TENM3: variants seen among roughly 807,000 people sequenced by gnomAD.
TENM3 encodes teneurin transmembrane protein 3.
A neutral mutation model predicts 255.1 loss-of-function variants in TENM3; 63 were observed. That is an observed-to-expected ratio of 0.25 (90% CI 0.20 to 0.30). TENM3 has a LOEUF of 0.30. Ranked by LOEUF, TENM3 falls within the 10% of genes least tolerant of loss-of-function variation. The pLI is 1.00. For synonymous variants in TENM3, 1,306 were observed against 1,322.3 expected (o/e 0.99, Z 0.27); for missense variants, 2,929 against 3,461.1 (o/e 0.85, Z 3.86).
In TENM3 at chr4:182,688,209, G is replaced by C; in HGVS notation, c.2079G>C (p.Gly693=). The C allele has an allele frequency of 6.2e-7, 1 of 1,613,858 alleles. No homozygotes were observed. The highest frequency in any genetic ancestry group is 8.5e-7 in the Non-Finnish European group (1 of 1,179,818). The change falls in exon 12 of 28, where the codon GGG becomes GGC. Residue 693 remains glycine, a synonymous_variant. Coordinates refer to ENST00000511685, the MANE Select transcript of TENM3 (RefSeq NM_001080477.4). ...GTGGCTCACACGGCGTTTGCATGGG[G>C]GGGACGTGTCGCTGTGAAGAAGGCT... ...VDCGSHGVCM[G]GTCRCEEGWT... is the part of the protein sequence containing the mutation.
At chr4:182,263,904 A>G (rs1434510695) in intron 1 of TENM3, among the ~76,000 whole-genome samples, 3 of 152,040 alleles carry the variant, frequency 2.0e-5, no homozygotes, top group African/African-American at 7.2e-5. Context: ...TCTGTGTTTT[A>G]TCACTTGTAT....
chr4:182,358,212 G>T (rs1023934668), intron 3 of TENM3, among the ~76,000 whole-genome samples: 53 of 148,352 alleles, frequency 3.6e-4, no homozygotes, highest in African/African-American at 1.2e-3. Flanking sequence ...CTCTTTTTTG[G>T]TTCCATATGA....
the TENM3 span, among the ~76,000 whole-genome samples, chr4:181,937,115 G>A: frequency 6.6e-6 from 1 of 152,170 alleles, no homozygotes; most frequent in Non-Finnish European, 1.5e-5. Context: ...AGCAGGTATG[G>A]GAGCATTCTA....
chr4:181,935,730 C>A, the TENM3 span, among the ~76,000 whole-genome samples: 3 of 152,266 alleles, frequency 2.0e-5, no homozygotes, highest in East Asian at 5.8e-4. Context: ...GCAAAACTCT[C>A]GAATCCCAGC....
chr4:181,921,738 A>C, the TENM3 span, among the ~76,000 whole-genome samples: 87,009 of 151,472 alleles, frequency 0.57, 25,556 homozygotes, highest in African/African-American at 0.67. Context: ...CCTTCTCCTG[A>C]CTAATTGCCC....
At chr4:181,551,564 C>A in the TENM3 span, among the ~76,000 whole-genome samples, 2 of 152,194 alleles carry the variant, frequency 1.3e-5, no homozygotes, top group African/African-American at 4.8e-5. Flanking sequence ...AATATCAGAA[C>A]ATTTTTATTT....
the TENM3 span, among the ~76,000 whole-genome samples, chr4:182,004,065 TGTTAA>T: frequency 7.2e-5 from 11 of 152,176 alleles, no homozygotes; most frequent in Non-Finnish European, 1.2e-4. Context: ...AGTTGGCTTA[TGTTAA>T]AAGTATTTTT....
the TENM3 span, among the ~76,000 whole-genome samples, chr4:181,908,974 C>T: frequency 6.6e-6 from 1 of 152,180 alleles, no homozygotes; most frequent in Non-Finnish European, 1.5e-5. Flanking sequence ...AATATTTGAA[C>T]ATAACATTTA....
chr4:182,479,293 G>T (rs1363593231), intron 3 of TENM3, among the ~76,000 whole-genome samples: 1 of 151,866 alleles, frequency 6.6e-6, no homozygotes, highest in South Asian at 2.1e-4. Flanking sequence ...GTTCTGTGAT[G>T]AAATACCAAA....
At chr4:181,474,249 G>A in the TENM3 span, among the ~76,000 whole-genome samples, 1 of 152,084 alleles carries the variant, frequency 6.6e-6, no homozygotes, top group South Asian at 2.1e-4. Context: ...AACCACCATG[G>A]CATGTGTATA....
At chr4:182,413,478 G>T (rs911233617) in intron 3 of TENM3, among the ~76,000 whole-genome samples, 1 of 152,020 alleles carries the variant, frequency 6.6e-6, no homozygotes, top group Non-Finnish European at 1.5e-5. Context: ...TTAGCTGGAC[G>T]TGGTGTGTGG....
intron 3 of TENM3, among the ~76,000 whole-genome samples, chr4:182,352,689 C>T (rs1765263940): frequency 6.6e-6 from 1 of 152,090 alleles, no homozygotes; most frequent in Admixed American, 6.5e-5. Context: ...GAACCAATTT[C>T]ACTTGTCCTT....
chr4:182,673,292 G>A, intron 7 of TENM3, 73 bp downstream of exon 7: 1 of 1,079,038 alleles, frequency 9.3e-7, no homozygotes, highest in South Asian at 1.6e-5. Flanking sequence ...TCTTTCTTAA[G>A]CTCAGCTGTT....
At chr4:182,752,970 G>A (rs968447509) in intron 20 of TENM3, among the ~76,000 whole-genome samples, 10 of 126,456 alleles carry the variant, frequency 7.9e-5, no homozygotes, top group South Asian at 2.6e-4. Flanking sequence ...TTTTTGAGAC[G>A]GAGTCTCACT....
At chr4:181,919,405 G>GTGTGTGTGTGTGT in the TENM3 span, among the ~76,000 whole-genome samples, 2 of 150,802 alleles carry the variant, frequency 1.3e-5, no homozygotes, top group African/African-American at 2.4e-5. Flanking sequence ...GTGTGTGTCT[G>GTGTGTGTGTGTGT]GTGTATTGGG....
At chr4:182,193,897 A>G (rs1753682472) in intron 1 of TENM3, among the ~76,000 whole-genome samples, 1 of 152,248 alleles carries the variant, frequency 6.6e-6, no homozygotes, top group Non-Finnish European at 1.5e-5. Flanking sequence ...TCATAAATAG[A>G]AATGTATTTC....
intron 2 of TENM3, among the ~76,000 whole-genome samples, chr4:182,330,621 AG>A (rs2150548563): frequency 6.6e-6 from 1 of 152,382 alleles, no homozygotes; most frequent in South Asian, 2.1e-4. Context: ...AGTAAATGAA[AG>A]ATACTTAGGT....
the TENM3 span, among the ~76,000 whole-genome samples, chr4:181,982,668 A>T: frequency 6.6e-6 from 1 of 152,154 alleles, no homozygotes; most frequent in Non-Finnish European, 1.5e-5. Context: ...AGTAATTTAC[A>T]CACTGGAAGC....
chr4:181,538,283 A>G, the TENM3 span, among the ~76,000 whole-genome samples: 36,262 of 152,114 alleles, frequency 0.24, 4,543 homozygotes, highest in Middle Eastern at 0.31. Flanking sequence ...AAGCATGGCC[A>G]GAATAAGCTG....
Sources: allele counts gnomAD v4.1 joint callset (sites outside exome capture counted in the v4.1 genomes callset), GRCh38; gene constraint gnomAD v4.1.1; transcripts MANE v1.5; gene names NCBI Gene and HGNC (gene_info 2026-07-23, HGNC 2026-07-21).